Variants in BROX observed in about 807,000 individuals in gnomAD.
BROX encodes the protein BRO1 domain and CAAX motif containing.
A neutral mutation model predicts 61.0 loss-of-function variants in BROX; 53 were observed. That is an observed-to-expected ratio of 0.87 (90% CI 0.70 to 1.09). BROX has a LOEUF of 1.09. Ranked by LOEUF, BROX falls within the 50% of genes least tolerant of loss-of-function variation. BROX has a pLI of 0.00. For synonymous variants in BROX, 152 were observed against 160.2 expected, an observed-to-expected ratio of 0.95 and a Z score of 0.38; for missense variants, 489 against 472.0, an observed-to-expected ratio of 1.04 and a Z score of -0.33.
chr1:222,720,845 A>G (rs1048318121), intron 4 of BROX, among the ~76,000 whole-genome samples: 8 of 152,248 alleles, frequency 5.3e-5, no homozygotes, highest in Admixed American at 2.6e-4. Context: ...GTGAGCTACT[A>G]TTTAACCTTT....
Position 222,725,135 on chromosome 1 carries a change from C to T in BROX, c.475-315C>T, listed in dbSNP as rs114940875. ...ATTAATGTGAATGAACAGGCTATCC[C>T]GCAAAAGGAATTTTGGTTACTATTT... On this transcript the variant is annotated intron_variant, in intron 6 of 12. Transcript: ENST00000340934. 1.7e-3 allele frequency among the ~76,000 whole-genome samples: 256 copies of T among 152,146 alleles called. 1 individual carries two copies. The highest frequency in any genetic ancestry group is 5.4e-3 in the African/African-American group (225 of 41,500).
intron 6 of BROX, among the ~76,000 whole-genome samples, 191 bp from the exon 7 acceptor site, chr1:222,725,259 A>T (rs187043740): frequency 6.6e-6 from 1 of 152,156 alleles, no homozygotes; most frequent in South Asian, 2.1e-4. Context: ...ATAAAAGCTG[A>T]GTTTTAGTAT....
Position 222,728,835 on chromosome 1 carries a change from A to G in BROX, c.756+7A>G. ...GTGTTTCTACACAGCTTATGTAAGT[A>G]TTCACAACGCTAAAAACAATGTAAA... On this transcript the variant is annotated splice_region_variant and intron_variant, in intron 9 of 12. Transcript: ENST00000340934. 6.4e-7 allele frequency: 1 copy of G among 1,563,488 alleles called. No homozygotes were observed. The highest frequency in any genetic ancestry group is 8.8e-7 in the Non-Finnish European group (1 of 1,141,586).
intron 2 of BROX, among the ~76,000 whole-genome samples, chr1:222,718,712 C>G (rs1405859555): frequency 6.6e-6 from 1 of 152,036 alleles, no homozygotes; most frequent in Non-Finnish European, 1.5e-5. Context: ...AATTTTTTCT[C>G]TAGATTTAGT....
At chr1:222,726,537 A>G (rs778745522) in intron 7 of BROX, among the ~76,000 whole-genome samples, 11 of 151,994 alleles carry the variant, frequency 7.2e-5, no homozygotes, top group Non-Finnish European at 8.8e-5. Flanking sequence ...ACCAACATGG[A>G]GAAACCCCAT....
Position 222,731,614 on chromosome 1 carries a change from T to A in BROX, c.1149+98T>A, listed in dbSNP as rs570742400. The A allele has an allele frequency of 1.2e-5, 15 of 1,291,184 alleles. No individual in the cohort carries two copies. In the East Asian group the frequency reaches 3.4e-4, roughly 30 times the overall value. The allele number at this position is 1,291,184 out of a possible 1,614,324, so 80.0% of individuals were successfully genotyped here. A position where few individuals can be genotyped will look rare whatever the true frequency, so the allele number is the denominator to read the frequency against. On this transcript the variant is annotated intron_variant, in intron 12 of 12. Coordinates refer to ENST00000340934, the MANE Select transcript of BROX (RefSeq NM_144695.4). ...ATTTTTCTCTAAATAGATACATATC[T>A]TTGTCTAAATGTTAAGTTAGCTAGT...
At chr1:222,719,427 A>G in intron 4 of BROX, 68 bp downstream of exon 4, 2 of 1,078,648 alleles carry the variant, frequency 1.9e-6, no homozygotes. Context: ...TGGTTAACTC[A>G]TAGCCTTTGT....
rs1658143788 is a variant in BROX, at chr1:222,734,181, GC to G, written c.*1468del. The stretch of plus-strand genomic sequence containing the variant: ...TTTATCTTTTGATTATTCTCCTGAG[GC>G]ATTAGATAGTTTTTCTATTATAAGT... On this transcript the variant is annotated 3_prime_UTR_variant, in exon 13 of 13. Coordinates refer to ENST00000340934, the MANE Select transcript of BROX (RefSeq NM_144695.4). The G allele has an allele frequency of 6.6e-6, 1 of 152,092 alleles. No homozygotes were observed. Among genetic ancestry groups the G allele is most frequent in the African/African-American group, 2.4e-5 (1 of 41,404 alleles). The allele number at this position is 152,092 out of a possible 1,614,324, so 9.4% of individuals were successfully genotyped here. A position where few individuals can be genotyped will look rare whatever the true frequency, so the allele number is the denominator to read the frequency against.
rs1176029413 is a variant in BROX at position 222,734,938 on chromosome 1, T to C, written c.*2224T>C. 2.0e-5 allele frequency: 3 copies of C among 152,210 alleles called. No homozygotes were observed. The East Asian group carries it at 5.8e-4, about 29-fold the overall frequency. 9.4% of individuals were successfully genotyped at this position (152,210 alleles called of 1,614,324 possible). A position where few individuals can be genotyped will look rare whatever the true frequency, so the allele number is the denominator to read the frequency against. ...CTTTGACATGAGCATATAAATATTT[T>C]GTTGACTCAGCAAAGGTGACACTTT... is the stretch of plus-strand genomic sequence containing the variant. On this transcript the variant is annotated 3_prime_UTR_variant, in exon 13 of 13. Transcript: ENST00000340934.
Position 222,712,712 on chromosome 1 carries a change from T to C in BROX, c.-247T>C, listed in dbSNP as rs1656144947. On this transcript the variant is annotated 5_prime_UTR_variant, in exon 1 of 13. The change abolishes the stop of an existing upstream ORF in the 5' untranslated region. Transcript: ENST00000340934. ...GAAAGGGATGATGAACGAAGCGTTT[T>C]GAGGGGACTGCAACGCCGCGGCAAT... The C allele has an allele frequency of 1.5e-6, 2 of 1,291,512 alleles. No homozygotes were observed. The highest frequency in any genetic ancestry group is 2.0e-6 in the Non-Finnish European group (2 of 990,372). 80.0% of individuals were successfully genotyped at this position (1,291,512 alleles called of 1,614,324 possible).
At chr1:222,718,807 T>C (rs1013144803) in intron 2 of BROX, 118 bp from the exon 3 acceptor site, 1 of 744,616 alleles carries the variant, frequency 1.3e-6, no homozygotes, top group Non-Finnish European at 2.3e-6. Context: ...CATTGAAACC[T>C]GGTGCGTGTG....
At chr1:222,723,155 T>C (rs1429491326) in intron 5 of BROX, among the ~76,000 whole-genome samples, 1 of 152,160 alleles carries the variant, frequency 6.6e-6, no homozygotes, top group Non-Finnish European at 1.5e-5. Flanking sequence ...TAAAGTAAAT[T>C]AGGTGATTAA....
chr1:222,716,034 T>G (rs1375679018), intron 2 of BROX, among the ~76,000 whole-genome samples: 1 of 152,222 alleles, frequency 6.6e-6, no homozygotes, highest in Non-Finnish European at 1.5e-5. Flanking sequence ...AGTTAATCTG[T>G]ATATTACAAC....
intron 11 of BROX, among the ~76,000 whole-genome samples, chr1:222,730,856 C>G (rs1038525193): frequency 6.6e-6 from 1 of 152,126 alleles, no homozygotes; most frequent in African/African-American, 2.4e-5. Flanking sequence ...TCGTCTCACT[C>G]TGGTTTCAGC....
At chr1:222,719,432 C>G in intron 4 of BROX, 73 bp downstream of exon 4, 1 of 1,048,682 alleles carries the variant, frequency 9.5e-7, no homozygotes, top group Non-Finnish European at 1.4e-6. Flanking sequence ...AACTCATAGC[C>G]TTTGTATTTG....
intron 6 of BROX, 29 bp from the exon 7 acceptor site, chr1:222,725,421 T>G: frequency 6.6e-7 from 1 of 1,511,970 alleles, no homozygotes; most frequent in Non-Finnish European, 9.0e-7. Context: ...GGCTGCTTTG[T>G]TTTTTGTCTT....
At chr1:222,729,789 C>A in intron 10 of BROX, 88 bp downstream of exon 10, 1 of 1,337,460 alleles carries the variant, frequency 7.5e-7, no homozygotes, top group Non-Finnish European at 1.0e-6. Context: ...GAGATTTTGG[C>A]TGAGTTCATG....
intron 7 of BROX, among the ~76,000 whole-genome samples, chr1:222,726,880 C>T (rs1657540669): frequency 6.6e-6 from 1 of 152,048 alleles, no homozygotes; most frequent in African/African-American, 2.4e-5. Context: ...AAGACCCTGT[C>T]TCAGAAAAAA....
chr1:222,714,247 T>G (rs1656357413), intron 1 of BROX, among the ~76,000 whole-genome samples: 1 of 146,462 alleles, frequency 6.8e-6, no homozygotes, highest in Non-Finnish European at 1.5e-5. Flanking sequence ...AGTCTCCCTC[T>G]GTCGCCCAGG....
Sources: allele counts gnomAD v4.1 joint callset (sites outside exome capture counted in the v4.1 genomes callset), GRCh38; gene constraint gnomAD v4.1.1; transcripts MANE v1.5; gene names NCBI Gene and HGNC (gene_info 2026-07-23, HGNC 2026-07-21).